The following TCOF1 variants were observed in gnomAD, a reference collection of about 807,000 sequenced individuals.
TCOF1 encodes the protein treacle protein.
A neutral mutation model predicts 149.0 loss-of-function variants in TCOF1; 33 were observed. That is an observed-to-expected ratio of 0.22 (90% CI 0.17 to 0.30). The LOEUF is 0.30. TCOF1 is among the 10% of genes least tolerant of loss of function. TCOF1 has a pLI of 1.00. For synonymous variants in TCOF1, 789 were observed against 738.8 expected (o/e 1.07, Z -1.10); for missense variants, 1,728 against 1,840.7 (o/e 0.94, Z 1.12).
In TCOF1 at chr5:150,372,164, A is replaced by G; in HGVS notation, c.798A>G (p.Pro266=). ...ALPPAKRAKK[P]EEESESSEEG... ...CCCCAGCCAAGAGGGCCAAGAAGCC[A>G]GAAGAGGAGTCAGAGAGTAGTGAGG... The change falls in exon 7 of 27, where the codon CCA becomes CCG. Residue 266 remains proline (P), a synonymous_variant. Coordinates refer to ENST00000643257, the MANE Select transcript of TCOF1 (RefSeq NM_001371623.1). The G allele has an allele frequency of 2.5e-6, 4 of 1,614,218 alleles. No individual in the cohort carries two copies. Among genetic ancestry groups the G allele is most frequent in the Non-Finnish European group, 3.4e-6 (4 of 1,180,034 alleles).
chr5:150,399,912 A>T lies in TCOF1; in HGVS notation c.*125A>T, dbSNP rs1769428948. On this transcript the variant is annotated 3_prime_UTR_variant, in exon 27 of 27. Coordinates refer to ENST00000643257, the MANE Select transcript of TCOF1 (RefSeq NM_001371623.1). ...ACTGTTACCTTCCCTCGCTCCACAG[A>T]AGAAGACAGCCAGCTTCAGGGGTCC... 1 of 152,452 alleles carries T rather than the reference A, an allele frequency of 6.6e-6. No individual in the cohort carries two copies. The highest frequency in any genetic ancestry group is 1.5e-5 in the Non-Finnish European group (1 of 68,294). 9.4% of individuals were successfully genotyped at this position (152,452 alleles called of 1,614,324 possible). A position where few individuals can be genotyped will look rare whatever the true frequency, so the allele number is the denominator to read the frequency against.
intron 17 of TCOF1, among the ~76,000 whole-genome samples, chr5:150,386,689 T>C (rs891989669): frequency 1.3e-5 from 2 of 152,196 alleles, no homozygotes; most frequent in Non-Finnish European, 2.9e-5. Context: ...AGCTCTTCAC[T>C]GGCCAGAGAG....
intron 23 of TCOF1, 111 bp downstream of exon 23, chr5:150,393,663 C>G (rs1767875850): frequency 4.9e-6 from 7 of 1,419,250 alleles, no homozygotes; most frequent in East Asian, 4.9e-5. Flanking sequence ...TGTCTGCCCC[C>G]AGAGCCTCTC....
chr5:150,370,819 A>T (rs928226995), intron 6 of TCOF1, among the ~76,000 whole-genome samples: 15 of 152,154 alleles, frequency 9.9e-5, no homozygotes, highest in African/African-American at 3.4e-4. Flanking sequence ...GTTATTTTTT[A>T]AAAAAACAAA....
intron 17 of TCOF1, chr5:150,384,785 T>G: frequency 3.0e-6 from 3 of 985,480 alleles, no homozygotes; most frequent in Non-Finnish European, 3.6e-6. Flanking sequence ...ATTGAGAGAT[T>G]TTTAGTTCCT....
At chr5:150,378,167 G>C (rs908698603) in intron 14 of TCOF1, among the ~76,000 whole-genome samples, 1 of 152,176 alleles carries the variant, frequency 6.6e-6, no homozygotes, top group Non-Finnish European at 1.5e-5. Flanking sequence ...GCTGGGGGAT[G>C]GGGTTGTTTT....
At chr5:150,371,879 C>T in intron 6 of TCOF1, 127 bp from the exon 7 acceptor site, 4 of 845,830 alleles carry the variant, frequency 4.7e-6, no homozygotes, top group Non-Finnish European at 5.9e-6. Flanking sequence ...ATAGCCGTCT[C>T]AGGGAGTTGC....
At position 150,366,686 on chromosome 5, in the gene TCOF1, C is replaced by T. The variant is rs1232712079; in HGVS notation, c.305-1158C>T. ...TTTTTGAGACGGAGTCTCGCTCTGT[C>T]GCCCAGGTCGGACTGCGGACTGCAG... On this transcript the variant is annotated intron_variant, in intron 3 of 26. Transcript: ENST00000643257. 1.8e-4 allele frequency among the ~76,000 whole-genome samples: 3 copies of T among 17,120 alleles called. No homozygotes were observed. The East Asian group carries it at 3.3e-3, about 19-fold the overall frequency. The allele number at this position is 17,120 out of a possible 152,430, so 11.2% of individuals were successfully genotyped here.
In TCOF1 at chr5:150,393,518, C is replaced by T. The variant is rs1171799911; in HGVS notation, c.3750C>T (p.Pro1250=). ...CAGATGGCAAGCAGGAGGCAAAGCCCCAACAGGCAGCAGGCATGTTGTCCC... is the reference window on the plus strand; with the variant it reads ...CAGATGGCAAGCAGGAGGCAAAGCCTCAACAGGCAGCAGGCATGTTGTCCC... ...DDPDGKQEAK[P]QQAAGMLSPK... The change falls in exon 23 of 27, where the codon CCC becomes CCT. Residue 1250 remains proline (P), a synonymous_variant. Coordinates refer to ENST00000643257, the MANE Select transcript of TCOF1 (RefSeq NM_001371623.1). The T allele has an allele frequency of 6.2e-7, 1 of 1,614,152 alleles. No individual in the cohort carries two copies. Among genetic ancestry groups the T allele is most frequent in the Admixed American group, 1.7e-5 (1 of 60,022 alleles).
At chr5:150,358,341 G>C (rs985922614) in intron 1 of TCOF1, among the ~76,000 whole-genome samples, 2 of 152,140 alleles carry the variant, frequency 1.3e-5, no homozygotes, top group Admixed American at 1.3e-4. Flanking sequence ...TACTGAGACG[G>C]TCAGCTTTGG....
chr5:150,392,485 T>C, intron 21 of TCOF1: 1 of 612,092 alleles, frequency 1.6e-6, no homozygotes, highest in Admixed American at 2.9e-5. Flanking sequence ...GCCTCAGGAA[T>C]TAGAAATAAG....
chr5:150,383,517 T>C (rs1347395055), intron 17 of TCOF1, among the ~76,000 whole-genome samples: 4 of 152,218 alleles, frequency 2.6e-5, no homozygotes. Flanking sequence ...CCTGCCTCTG[T>C]GCACTGGTGC....
At position 150,385,024 on chromosome 5, in the gene TCOF1, G is replaced by A. The variant is rs2150940042; in HGVS notation, c.2860-2878G>A. 3.0e-6 allele frequency: 3 copies of A among 985,362 alleles called. No homozygotes were observed. The South Asian group carries it at 1.4e-4, about 46-fold the overall frequency. The allele number at this position is 985,362 out of a possible 1,614,324, so 61.0% of individuals were successfully genotyped here. A position where few individuals can be genotyped will look rare whatever the true frequency, so the allele number is the denominator to read the frequency against. On this transcript the variant is annotated intron_variant, in intron 17 of 26. Transcript: ENST00000643257. Reference sequence around the variant, plus strand: ...TGTGCAGAGTAGACCTCAGGCCAGAGTCTGTGCTGGGGTCAGGACAGCTTC... The same window carrying A: ...TGTGCAGAGTAGACCTCAGGCCAGAATCTGTGCTGGGGTCAGGACAGCTTC...
chr5:150,376,010 C>T (rs1007212753), intron 12 of TCOF1, 72 bp from the exon 13 acceptor site: 8 of 1,613,528 alleles, frequency 5.0e-6, no homozygotes, highest in Admixed American at 3.3e-5. Context: ...TGGGTTTTGG[C>T]TGGTGGGGCA....
At chr5:150,358,481 G>A (rs941664072) in intron 1 of TCOF1, among the ~76,000 whole-genome samples, 1 of 152,188 alleles carries the variant, frequency 6.6e-6, no homozygotes. Flanking sequence ...ACTCTAGTAA[G>A]GTAGACAAAT....
chr5:150,388,338 C>G (rs1451997716), intron 18 of TCOF1, among the ~76,000 whole-genome samples: 2 of 152,188 alleles, frequency 1.3e-5, no homozygotes, highest in African/African-American at 4.8e-5. Context: ...TGGCTAGAAG[C>G]TGCAGGGACC....
chr5:150,381,040 G>C (rs909385320), intron 17 of TCOF1, among the ~76,000 whole-genome samples: 1 of 151,998 alleles, frequency 6.6e-6, no homozygotes, highest in Non-Finnish European at 1.5e-5. Flanking sequence ...GATGATAAAT[G>C]TCAGGAGAGA....
At chr5:150,363,920 A>G (rs1760720094) in intron 2 of TCOF1, among the ~76,000 whole-genome samples, 193 bp from the exon 3 acceptor site, 1 of 152,244 alleles carries the variant, frequency 6.6e-6, no homozygotes, top group African/African-American at 2.4e-5. Flanking sequence ...CTAATCAAGA[A>G]TTGTAAAAGC....
Position 150,393,572 on chromosome 5 carries a change from A to C in TCOF1, c.3784+20A>C, listed in dbSNP as rs532540341. On this transcript the variant is annotated intron_variant, in intron 23 of 26. Coordinates refer to ENST00000643257, the MANE Select transcript of TCOF1 (RefSeq NM_001371623.1). ...AAACAGGTAAGTTAAGGTCTGCAGG[A>C]GGGACATAGCAGGACACAGAGGGAC... 4.3e-6 allele frequency: 7 copies of C among 1,614,138 alleles called. No individual in the cohort carries two copies. The South Asian group carries it at 7.7e-5, about 18-fold the overall frequency.
Sources: allele counts gnomAD v4.1 joint callset (sites outside exome capture counted in the v4.1 genomes callset), GRCh38; gene constraint gnomAD v4.1.1; transcripts MANE v1.5; gene names NCBI Gene and HGNC (gene_info 2026-07-23, HGNC 2026-07-21).